Variants in PDE4B observed in about 807,000 individuals in gnomAD.
The protein encoded by PDE4B is phosphodiesterase 4B.
PDE4B carries 20 observed loss-of-function variants against 82.2 expected under a neutral mutation model. That is an observed-to-expected ratio of 0.24 (90% CI 0.17 to 0.35). PDE4B has a LOEUF of 0.35. PDE4B is among the 10% of genes least tolerant of loss of function. The pLI, the probability that PDE4B is intolerant of heterozygous loss-of-function variation, is 1.00. For missense variants in PDE4B, 655 were observed against 907.2 expected (o/e 0.72, Z 3.57); for synonymous variants, 320 against 318.9 (o/e 1.00, Z -0.04).
intron 3 of PDE4B, among the ~76,000 whole-genome samples, chr1:66,079,027 G>A (rs1325298166): frequency 6.6e-6 from 1 of 152,032 alleles, no homozygotes; most frequent in Non-Finnish European, 1.5e-5. Flanking sequence ...TAAAAAATGG[G>A]ATGGATTTTG....
intron 7 of PDE4B, among the ~76,000 whole-genome samples, chr1:66,326,308 C>G (rs555692855): frequency 3.0e-4 from 45 of 152,202 alleles, no homozygotes; most frequent in African/African-American, 1.0e-3. Flanking sequence ...GTGAACATAC[C>G]TATGTAACCA....
chr1:66,084,934 A>G (rs755565093), intron 3 of PDE4B, among the ~76,000 whole-genome samples: 1 of 152,186 alleles, frequency 6.6e-6, no homozygotes, highest in Non-Finnish European at 1.5e-5. Flanking sequence ...AGCCAGTCAC[A>G]TGCATAGAGT....
chr1:66,184,953 A>C (rs1570419458), intron 3 of PDE4B, among the ~76,000 whole-genome samples: 1 of 151,964 alleles, frequency 6.6e-6, no homozygotes, highest in East Asian at 1.9e-4. Context: ...CTCGTCATTT[A>C]ACATTAGGTA....
At chr1:66,298,277 G>A (rs1444805419) in intron 7 of PDE4B, among the ~76,000 whole-genome samples, 1 of 152,110 alleles carries the variant, frequency 6.6e-6, no homozygotes, top group Non-Finnish European at 1.5e-5. Flanking sequence ...ATCCAGTGGT[G>A]AAAGAGAAAA....
intron 1 of PDE4B, among the ~76,000 whole-genome samples, chr1:65,857,820 C>G (rs890441510): frequency 5.3e-5 from 8 of 152,046 alleles, no homozygotes; most frequent in African/African-American, 1.9e-4. Flanking sequence ...GTTACTTGTG[C>G]CTTCTAGACT....
intron 1 of PDE4B, among the ~76,000 whole-genome samples, chr1:65,813,475 G>C (rs1000887575): frequency 7.2e-5 from 11 of 152,246 alleles, no homozygotes; most frequent in Middle Eastern, 6.8e-3. Context: ...GTATTTGGAA[G>C]GTGGTCTGGA....
At chr1:66,243,647 A>G (rs1358783365) in intron 3 of PDE4B, among the ~76,000 whole-genome samples, 2 of 152,182 alleles carry the variant, frequency 1.3e-5, no homozygotes, top group Non-Finnish European at 2.9e-5. Flanking sequence ...TGGAGACTGT[A>G]ATGGGAAAGA....
At chr1:65,909,582 A>G (rs941286027) in intron 1 of PDE4B, among the ~76,000 whole-genome samples, 1 of 152,228 alleles carries the variant, frequency 6.6e-6, no homozygotes, top group African/African-American at 2.4e-5. Context: ...TAAATTTAAA[A>G]GCATCTTTTA....
rs78737359 is a variant in PDE4B at position 66,343,928 on chromosome 1, A to G, written c.747+11308A>G. Among the ~76,000 whole-genome samples the G allele has an allele frequency of 7.5e-3, 1,149 of 152,188 alleles. 11 individuals are homozygous for G. The highest frequency in any genetic ancestry group is 0.026 in the African/African-American group (1,079 of 41,528). ...TTTAGACTATCCAGTGGCAATGTGC[A>G]TTTCCAGTATACTTTTGTATGATGG... On this transcript the variant is annotated intron_variant, in intron 8 of 16. Coordinates refer to ENST00000341517, the MANE Select transcript of PDE4B (RefSeq NM_002600.4).
At chr1:66,067,590 C>T (rs1280329094) in intron 3 of PDE4B, among the ~76,000 whole-genome samples, 2 of 151,984 alleles carry the variant, frequency 1.3e-5, no homozygotes, top group African/African-American at 2.4e-5. Flanking sequence ...GGATATTAGC[C>T]GTTTGTCAGA....
At chr1:65,946,170 C>A (rs1648702583) in intron 3 of PDE4B, among the ~76,000 whole-genome samples, 1 of 151,968 alleles carries the variant, frequency 6.6e-6, no homozygotes, top group South Asian at 2.1e-4. Context: ...AGCATTATAA[C>A]AGTGACAGAA....
At chr1:65,955,874 G>T (rs996420623) in intron 3 of PDE4B, among the ~76,000 whole-genome samples, 1 of 152,054 alleles carries the variant, frequency 6.6e-6, no homozygotes, top group Non-Finnish European at 1.5e-5. Flanking sequence ...CTAAGAGAGC[G>T]CCTGGAATAT....
At chr1:66,174,473 C>T (rs2101357556) in intron 3 of PDE4B, among the ~76,000 whole-genome samples, 1 of 152,080 alleles carries the variant, frequency 6.6e-6, no homozygotes, top group East Asian at 1.9e-4. Flanking sequence ...AAAGAACTAC[C>T]TTGGCCAGGT....
rs752338074 is a variant in PDE4B, at chr1:65,793,351, T to A, written c.-71+103T>A. On this transcript the variant is annotated intron_variant, in intron 1 of 16. Transcript: ENST00000341517. ...AGTGTAGGGTGCTGTGGGGCTGATG[T>A]GGGGCAAAGAGGGAATGGGGCCGCC... 2.0e-5 allele frequency: 3 copies of A among 152,234 alleles called. No individual in the cohort carries two copies. In the South Asian group the frequency reaches 6.2e-4, roughly 32 times the overall value. 9.4% of individuals were successfully genotyped at this position (152,234 alleles called of 1,614,324 possible).
Position 65,951,792 on chromosome 1 carries a change from T to G in PDE4B, c.281+32957T>G, listed in dbSNP as rs990019431. Among the ~76,000 whole-genome samples, 45 of 152,266 alleles carry G rather than the reference T, an allele frequency of 3.0e-4. 1 individual carries two copies. The highest frequency in any genetic ancestry group is 1.0e-3 in the African/African-American group (42 of 41,562). On this transcript the variant is annotated intron_variant, in intron 3 of 16. Transcript: ENST00000341517. ...ACCCCATATATAGATCCCAATGTTC[T>G]TCCTCCTACTTGATGCAGAATGCCT...
intron 3 of PDE4B, among the ~76,000 whole-genome samples, chr1:66,055,706 G>A (rs1327465325): frequency 1.3e-5 from 2 of 151,974 alleles, no homozygotes; most frequent in African/African-American, 4.8e-5. Flanking sequence ...AAGAATGCCA[G>A]GTATTTTAAT....
chr1:66,179,522 A>G (rs376686391), intron 3 of PDE4B, among the ~76,000 whole-genome samples: 2 of 150,098 alleles, frequency 1.3e-5, no homozygotes. Flanking sequence ...GGAAAAAAAA[A>G]GTATATCATA....
At chr1:65,914,427 T>C (rs960449946) in intron 2 of PDE4B, among the ~76,000 whole-genome samples, 1 of 151,898 alleles carries the variant, frequency 6.6e-6, no homozygotes, top group African/African-American at 2.4e-5. Flanking sequence ...GTTAATGTGT[T>C]CTGTTCTGTC....
intron 3 of PDE4B, among the ~76,000 whole-genome samples, chr1:66,096,882 T>C (rs1482614790): frequency 6.6e-6 from 1 of 151,886 alleles, no homozygotes; most frequent in East Asian, 1.9e-4. Flanking sequence ...GTGTAGTTTT[T>C]CATATCTGGT....
Sources: gnomAD v4.1 joint callset for allele counts (sites outside exome capture counted in the v4.1 genomes callset) on GRCh38, gnomAD v4.1.1 for gene constraint, MANE v1.5 for transcripts, NCBI Gene and HGNC (gene_info 2026-07-23, HGNC 2026-07-21) for gene names.